Variants in HHAT observed in about 807,000 individuals in gnomAD.
HHAT encodes the protein protein-cysteine N-palmitoyltransferase HHAT.
In HHAT, 47 loss-of-function variants were observed where a neutral mutation model predicts 70.8. The observed-to-expected ratio is 0.66, with a 90% confidence interval of 0.53 to 0.85. The LOEUF (loss-of-function observed/expected upper bound fraction) is 0.85. Ranked by LOEUF, HHAT falls within the 40% of genes least tolerant of loss-of-function variation. The pLI, the probability that HHAT is intolerant of heterozygous loss-of-function variation, is 0.00. For missense variants in HHAT, 609 were observed against 604.8 expected (o/e 1.01, Z -0.07); for synonymous variants, 228 against 247.6 (o/e 0.92, Z 0.74).
intron 10 of HHAT, among the ~76,000 whole-genome samples, chr1:210,610,141 GTGTTT>G (rs1002172950): frequency 8.5e-5 from 13 of 152,158 alleles, no homozygotes; most frequent in African/African-American, 2.7e-4. Flanking sequence ...CAGTGTAAAA[GTGTTT>G]TGTTTTGTTT....
chr1:210,606,480 G>C (rs1665462286), intron 10 of HHAT, among the ~76,000 whole-genome samples: 1 of 135,016 alleles, frequency 7.4e-6, no homozygotes, highest in Non-Finnish European at 1.7e-5. Context: ...CACATGGTCA[G>C]AGGTATCTGC....
intron 11 of HHAT, among the ~76,000 whole-genome samples, chr1:210,667,565 C>G (rs3927690): frequency 0.36 from 54,772 of 151,832 alleles, 10,217 homozygotes; most frequent in Non-Finnish European, 0.4. Flanking sequence ...TTGAGACATA[C>G]TAAATGCATC....
chr1:210,462,142 A>G (rs576692509), intron 7 of HHAT, among the ~76,000 whole-genome samples: 12 of 152,358 alleles, frequency 7.9e-5, no homozygotes, highest in African/African-American at 2.9e-4. Context: ...AAAATAAAGC[A>G]ATACTTGAGA....
rs116294425 is a variant in HHAT at position 210,561,088 on chromosome 1, G to C, written c.1044-26810G>C. ...GGTTTAAAACAGAATCCTTTGCCCC[G>C]TTCCAGTTTCTAGCTGAGGTGTGGG... On this transcript the variant is annotated intron_variant, in intron 9 of 11. Transcript: ENST00000261458. Among the ~76,000 whole-genome samples the C allele has an allele frequency of 9.2e-3, 1,398 of 152,172 alleles. 20 individuals are homozygous for C. Among genetic ancestry groups the C allele is most frequent in the African/African-American group, 0.032 (1,330 of 41,528 alleles).
intron 1 of HHAT, among the ~76,000 whole-genome samples, chr1:210,345,642 C>A (rs1016142281): frequency 2.0e-5 from 3 of 152,122 alleles, no homozygotes; most frequent in Non-Finnish European, 2.9e-5. Context: ...GTTTTTGTGA[C>A]CAGAAATATG....
At chr1:210,573,458 C>T (rs984503367) in intron 9 of HHAT, among the ~76,000 whole-genome samples, 13 of 152,212 alleles carry the variant, frequency 8.5e-5, no homozygotes, top group Non-Finnish European at 1.6e-4. Context: ...GGCCAACTCT[C>T]GTTGGCCTCC....
Position 210,623,638 on chromosome 1 carries a change from G to T in HHAT, c.1358G>T (p.Gly453Val), listed in dbSNP as rs544741245. 4.8e-5 allele frequency: 78 copies of T among 1,613,962 alleles called. 1 individual carries two copies. In the South Asian group the frequency reaches 8.4e-4, roughly 17 times the overall value. The change falls in exon 11 of 12, where the codon GGG becomes GTG. Residue 453 changes from glycine (G) to valine (V), a missense_variant. Physicochemically the swap from Gly to Val is moderately radical, Grantham distance 109. Coordinates refer to ENST00000261458, the MANE Select transcript of HHAT (RefSeq NM_018194.6). ...GTATTTCTTGGGGGCAATGAGGTTG[G>T]GAAAACCTACTGGAATAGGATCTTC... Reference protein sequence around the residue: ...NLVFLGGNEVGKTYWNRIFIQ... With the variant: ...NLVFLGGNEVVKTYWNRIFIQ...
chr1:210,525,971 C>T (rs2148619263), intron 9 of HHAT, among the ~76,000 whole-genome samples: 1 of 152,330 alleles, frequency 6.6e-6, no homozygotes, highest in South Asian at 2.1e-4. Context: ...CGCGATCTTT[C>T]TGCCTTATGC....
chr1:210,629,371 C>T (rs960635770), intron 11 of HHAT, among the ~76,000 whole-genome samples: 1 of 152,164 alleles, frequency 6.6e-6, no homozygotes, highest in Admixed American at 6.5e-5. Flanking sequence ...TCTAAAACAC[C>T]CAGGAAGGGC....
chr1:210,425,420 C>G (rs1214117429), intron 7 of HHAT, among the ~76,000 whole-genome samples: 1 of 152,126 alleles, frequency 6.6e-6, no homozygotes, highest in Non-Finnish European at 1.5e-5. Flanking sequence ...TTTGTCCATG[C>G]CTGTGTCCCA....
At chr1:210,602,156 A>G (rs12745924) in intron 10 of HHAT, among the ~76,000 whole-genome samples, 40,722 of 152,014 alleles carry the variant, frequency 0.27, 6,920 homozygotes, top group East Asian at 0.68. Context: ...TGGTGATGCT[A>G]CTCAGGGGTC....
intron 9 of HHAT, among the ~76,000 whole-genome samples, chr1:210,521,233 A>T (rs1239156571): frequency 1.3e-5 from 2 of 152,242 alleles, no homozygotes; most frequent in African/African-American, 4.8e-5. Flanking sequence ...AAGGTAGAAC[A>T]TGACAGCTGT....
At chr1:210,436,000 C>A (rs1260547190) in intron 7 of HHAT, among the ~76,000 whole-genome samples, 1 of 151,672 alleles carries the variant, frequency 6.6e-6, no homozygotes, top group Admixed American at 6.6e-5. Flanking sequence ...CTTTTGTTGC[C>A]TGTGGTTTTG....
chr1:210,374,948 C>T (rs1195801778), intron 3 of HHAT, among the ~76,000 whole-genome samples: 1 of 152,118 alleles, frequency 6.6e-6, no homozygotes, highest in Non-Finnish European at 1.5e-5. Context: ...CTGCCACCCC[C>T]CAGCAGTTCC....
At chr1:210,375,295 G>GTA (rs1026460043) in intron 3 of HHAT, among the ~76,000 whole-genome samples, 2 of 127,492 alleles carry the variant, frequency 1.6e-5, no homozygotes, top group African/African-American at 7.1e-5. Context: ...GTGTGTATGT[G>GTA]TATATACACA....
rs948670729 is a variant in HHAT, at chr1:210,555,419, G to A, written c.1044-32479G>A. 5.3e-5 allele frequency among the ~76,000 whole-genome samples: 8 copies of A among 152,192 alleles called. No individual in the cohort carries two copies. In the South Asian group the frequency reaches 8.3e-4, roughly 16 times the overall value. On this transcript the variant is annotated intron_variant, in intron 9 of 11. Transcript: ENST00000261458. The stretch of plus-strand genomic sequence containing the variant: ...GGACAGGAAGAATTTTAAGTTGTGC[G>A]TAAGACTAGAATTGTGAGGTGAACA...
chr1:210,667,898 C>T (rs1407425609), intron 11 of HHAT, among the ~76,000 whole-genome samples: 1 of 152,128 alleles, frequency 6.6e-6, no homozygotes, highest in Non-Finnish European at 1.5e-5. Flanking sequence ...GTTATGCAGT[C>T]ATCACCATCC....
chr1:210,507,174 T>C (rs1158579488), intron 8 of HHAT, among the ~76,000 whole-genome samples: 1 of 152,104 alleles, frequency 6.6e-6, no homozygotes, highest in Admixed American at 6.6e-5. Context: ...GACACAAGCC[T>C]TTATAAAATA....
intron 8 of HHAT, among the ~76,000 whole-genome samples, chr1:210,511,517 G>A (rs1250397463): frequency 6.6e-6 from 1 of 152,102 alleles, no homozygotes; most frequent in Non-Finnish European, 1.5e-5. Flanking sequence ...AGGCATGATG[G>A]GATGTTCCAG....
Sources: gnomAD v4.1 joint callset for allele counts (sites outside exome capture counted in the v4.1 genomes callset) on GRCh38, gnomAD v4.1.1 for gene constraint, MANE v1.5 for transcripts, NCBI Gene and HGNC (gene_info 2026-07-23, HGNC 2026-07-21) for gene names.